The following SP1 variants were observed in gnomAD, a reference collection of about 807,000 sequenced individuals.
SP1 encodes the protein Sp1 transcription factor, also known as transcription factor Sp1.
Under a neutral mutation model 66.3 loss-of-function variants are expected in SP1, and 6 were observed. The ratio of observed to expected loss-of-function variants is 0.09; its 90% CI spans 0.05 to 0.18. The LOEUF (loss-of-function observed/expected upper bound fraction) is 0.18. Ranked by LOEUF, SP1 falls within the 10% of genes least tolerant of loss-of-function variation. SP1 has a pLI of 1.00. For missense variants in SP1, 848 were observed against 964.5 expected, an observed-to-expected ratio of 0.88 and a Z score of 1.60; for synonymous variants, 417 against 360.8, an observed-to-expected ratio of 1.16 and a Z score of -1.77.
intron 3 of SP1, among the ~76,000 whole-genome samples, chr12:53,385,966 A>T (rs903194683): frequency 2.0e-5 from 3 of 152,180 alleles, no homozygotes; most frequent in Non-Finnish European, 4.4e-5. Context: ...AACACAGATT[A>T]AATCATCAGA....
chr12:53,393,495 C>G (rs1938403006), intron 3 of SP1, among the ~76,000 whole-genome samples: 1 of 151,690 alleles, frequency 6.6e-6, no homozygotes. Context: ...GTTTTTCAGG[C>G]TGGTGTCGAA....
Position 53,382,997 on chromosome 12 carries a change from C to T in SP1, c.1050C>T (p.Asn350=). 6.2e-7 allele frequency: 1 copy of T among 1,614,210 alleles called. No individual in the cohort carries two copies. The highest frequency in any genetic ancestry group is 1.3e-5 in the African/African-American group (1 of 75,062). Residue 350 remains asparagine, a synonymous_variant, in exon 3 of 6, where the codon AAC becomes AAT. Transcript: ENST00000327443. ...CTACCAGTGGATCATCAGGGACCAA[C>T]TCTCAAGGCCAGACACCCCAGAGGG... ...NFTTSGSSGT[N]SQGQTPQRVS...
intron 1 of SP1, 162 bp from the exon 2 acceptor site, chr12:53,381,497 A>G: frequency 3.5e-6 from 2 of 574,914 alleles, no homozygotes; most frequent in Non-Finnish European, 6.0e-6. Context: ...CATGTCCTGC[A>G]TGCCCTGCAG....
At position 53,383,502 on chromosome 12, in the gene SP1, A is replaced by G; in HGVS notation, c.1555A>G (p.Asn519Asp). 1.9e-6 allele frequency: 3 copies of G among 1,614,176 alleles called. No individual in the cohort carries two copies. Among genetic ancestry groups the G allele is most frequent in the Non-Finnish European group, 2.5e-6 (3 of 1,180,034 alleles). Reference protein sequence around the residue: ...ASIPAGTVTVNAAQLSSMPGL... With the variant: ...ASIPAGTVTVDAAQLSSMPGL... Reference sequence around the variant, plus strand: ...CATTCCTGCTGGCACAGTCACTGTGAATGCTGCTCAACTCTCCTCCATGCC... The same window carrying G: ...CATTCCTGCTGGCACAGTCACTGTGGATGCTGCTCAACTCTCCTCCATGCC... Residue 519 changes from asparagine (N) to aspartate (D), a missense_variant, in exon 3 of 6, where the codon AAT (asparagine) becomes GAT (aspartate). Coordinates refer to ENST00000327443, the MANE Select transcript of SP1 (RefSeq NM_138473.3).
chr12:53,383,319 C>T lies in SP1; in HGVS notation c.1372C>T (p.Pro458Ser). 6.2e-7 allele frequency: 1 copy of T among 1,614,198 alleles called. No homozygotes were observed. Among genetic ancestry groups the T allele is most frequent in the Non-Finnish European group, 8.5e-7 (1 of 1,180,040 alleles). Reference sequence around the variant, plus strand: ...CATCATCCGGACACCAACAGTGGGGCCCAATGGACAGGTCAGTTGGCAGAC... The same window carrying T: ...CATCATCCGGACACCAACAGTGGGGTCCAATGGACAGGTCAGTTGGCAGAC... ...PIIIRTPTVG[P>S]NGQVSWQTLQ... is the part of the protein sequence containing the mutation. Residue 458 changes from proline to serine, a missense_variant, in exon 3 of 6, where the codon CCC becomes TCC. By Grantham distance (74) the Pro-to-Ser change is moderately conservative. This residue lies in a region of SP1 where 606 missense variants were observed against 589.9 expected (regional missense o/e 1.03). Coordinates refer to ENST00000327443, the MANE Select transcript of SP1 (RefSeq NM_138473.3).
intron 4 of SP1, among the ~76,000 whole-genome samples, chr12:53,408,371 G>A (rs1938798956): frequency 6.6e-6 from 1 of 151,088 alleles, no homozygotes; most frequent in Admixed American, 6.6e-5. Context: ...CAAGTAGCTG[G>A]GATTACAGGC....
At chr12:53,380,689 C>G in intron 1 of SP1, 1 of 986,164 alleles carries the variant, frequency 1.0e-6, no homozygotes, top group Non-Finnish European at 1.2e-6. Context: ...CCTCTGGTCG[C>G]CGCCTGCTCC....
intron 3 of SP1, among the ~76,000 whole-genome samples, chr12:53,402,547 ATGAG>A (rs1414521866): frequency 6.6e-6 from 1 of 151,234 alleles, no homozygotes; most frequent in African/African-American, 2.4e-5. Context: ...AAGTGACTGA[ATGAG>A]AAGGAGGCCG....
At chr12:53,410,837 T>A in intron 5 of SP1, 90 bp from the exon 6 acceptor site, 1 of 908,394 alleles carries the variant, frequency 1.1e-6, no homozygotes, top group Admixed American at 2.2e-5. Context: ...CATACTGGCC[T>A]TACTCAGCTT....
At chr12:53,398,585 T>C (rs111794000) in intron 3 of SP1, among the ~76,000 whole-genome samples, 4,006 of 152,334 alleles carry the variant, frequency 0.026, 172 homozygotes, top group African/African-American at 0.091. Flanking sequence ...CCAGTCTTTT[T>C]ATTTTTATGT....
At chr12:53,394,191 G>A (rs1432254956) in intron 3 of SP1, among the ~76,000 whole-genome samples, 1 of 151,224 alleles carries the variant, frequency 6.6e-6, no homozygotes, top group Admixed American at 6.6e-5. Flanking sequence ...CTCCAGCCTG[G>A]GCAACAAGAC....
At chr12:53,409,316 A>G (rs776125185) in intron 4 of SP1, 46 bp from the exon 5 acceptor site, 14 of 1,510,954 alleles carry the variant, frequency 9.3e-6, no homozygotes, top group Non-Finnish European at 1.3e-5. Flanking sequence ...GTGGTTCTTT[A>G]GTTTTCTCTA....
At chr12:53,393,377 C>T (rs1449976306) in intron 3 of SP1, among the ~76,000 whole-genome samples, 3 of 151,834 alleles carry the variant, frequency 2.0e-5, no homozygotes, top group Admixed American at 6.6e-5. Context: ...CTCTGCTTCC[C>T]GGGTTCAACC....
chr12:53,400,817 A>G (rs2136910293), intron 3 of SP1, among the ~76,000 whole-genome samples: 1 of 143,116 alleles, frequency 7.0e-6, no homozygotes, highest in South Asian at 2.2e-4. Flanking sequence ...GCTGCAGTGA[A>G]GTGGCACAAT....
At chr12:53,409,632 ATAAC>A in intron 5 of SP1, 71 bp downstream of exon 5, 1 of 1,245,084 alleles carries the variant, frequency 8.0e-7, no homozygotes, top group Non-Finnish European at 1.2e-6. Flanking sequence ...TACCTACAAA[ATAAC>A]TAAAATTTCT....
At chr12:53,395,763 C>T (rs1372098370) in intron 3 of SP1, among the ~76,000 whole-genome samples, 1 of 149,488 alleles carries the variant, frequency 6.7e-6, no homozygotes, top group African/African-American at 2.5e-5. Flanking sequence ...GTCAGGAGAT[C>T]GAGACCATCC....
At chr12:53,385,476 T>A (rs931963988) in intron 3 of SP1, among the ~76,000 whole-genome samples, 4 of 147,586 alleles carry the variant, frequency 2.7e-5, no homozygotes, top group Non-Finnish European at 5.9e-5. Context: ...GCACCTGTAG[T>A]CCCAGCGACT....
intron 1 of SP1, among the ~76,000 whole-genome samples, chr12:53,380,890 C>A (rs1938078012): frequency 6.6e-6 from 1 of 151,400 alleles, no homozygotes; most frequent in Non-Finnish European, 1.5e-5. Flanking sequence ...TTTCTACTCA[C>A]ACTTTTTACT....
intron 3 of SP1, among the ~76,000 whole-genome samples, chr12:53,395,210 C>T (rs770971354): frequency 4.6e-5 from 7 of 151,900 alleles, no homozygotes; most frequent in African/African-American, 9.7e-5. Flanking sequence ...CTTGGTGGTG[C>T]GCGCCTTTAA....
Sources: gnomAD v4.1 joint callset for allele counts (sites outside exome capture counted in the v4.1 genomes callset) on GRCh38, gnomAD v4.1.1 for gene constraint, gnomAD v4.1.1 regional missense constraint, MANE v1.5 for transcripts, NCBI Gene and HGNC (gene_info 2026-07-23, HGNC 2026-07-21) for gene names.